Variants in EDA observed in about 807,000 individuals in gnomAD.
The protein encoded by EDA is ectodysplasin-A.
In EDA, 2 loss-of-function variants were observed where a neutral mutation model predicts 23.6. That is an observed-to-expected ratio of 0.08 (90% CI 0.03 to 0.27). The LOEUF is 0.27. Among genes scored for constraint, EDA ranks in the 10% least tolerant of loss-of-function variants. EDA has a pLI of 1.00. For synonymous variants in EDA, 131 were observed against 132.0 expected, an observed-to-expected ratio of 0.99 and a Z score of 0.05; for missense variants, 229 against 324.2, an observed-to-expected ratio of 0.71 and a Z score of 2.26.
chrX:69,978,340 A>AG (rs2019347936), intron 2 of EDA, among the ~76,000 whole-genome samples: 1 of 90,906 alleles, frequency 1.1e-5, no homozygotes, highest in Non-Finnish European at 2.1e-5. Context: ...AAAAAAAAAA[A>AG]AAAAAAAAAA....
intron 2 of EDA, among the ~76,000 whole-genome samples, chrX:70,003,455 T>A (rs1167656642): frequency 8.9e-6 from 1 of 112,020 alleles, no homozygotes; most frequent in Non-Finnish European, 1.9e-5. Flanking sequence ...TCTAATTCAA[T>A]CCTCCTGACA....
At chrX:69,782,623 C>T (rs2014989554) in intron 1 of EDA, among the ~76,000 whole-genome samples, 1 of 111,265 alleles carries the variant, frequency 9.0e-6, no homozygotes, top group Non-Finnish European at 1.9e-5. Context: ...ATCGAAGTGT[C>T]TCAGTGATAG....
chrX:69,971,794 C>G (rs2019252280), intron 2 of EDA, among the ~76,000 whole-genome samples: 1 of 110,488 alleles, frequency 9.1e-6, no homozygotes, highest in Admixed American at 9.7e-5. Context: ...CTCGGTGTGG[C>G]AACTAGCATA....
At position 69,894,040 on chromosome X, in the gene EDA, A is replaced by G. The variant is rs945828070; in HGVS notation, c.397-62987A>G. 2.3e-3 allele frequency among the ~76,000 whole-genome samples: 257 copies of G among 112,022 alleles called. 1 individual carries two copies. Among genetic ancestry groups the G allele is most frequent in the African/African-American group, 8.1e-3 (249 of 30,868 alleles). On this transcript the variant is annotated intron_variant, in intron 1 of 7. Coordinates refer to ENST00000374552, the MANE Select transcript of EDA (RefSeq NM_001399.5). Reference sequence around the variant, plus strand: ...TTTTAGGAATAGTAGTTTCCAGAAGAGAAAATCTATTTCACCACCGCCTCT... The same window carrying G: ...TTTTAGGAATAGTAGTTTCCAGAAGGGAAAATCTATTTCACCACCGCCTCT...
chrX:69,800,898 A>G (rs2015669158), intron 1 of EDA, among the ~76,000 whole-genome samples: 1 of 111,633 alleles, frequency 9.0e-6, no homozygotes, highest in Non-Finnish European at 1.9e-5. Flanking sequence ...TACCAACACA[A>G]GAACCATGTT....
At chrX:69,783,524 G>A (rs1206478602) in intron 1 of EDA, among the ~76,000 whole-genome samples, 1 of 104,486 alleles carries the variant, frequency 9.6e-6, no homozygotes, top group Non-Finnish European at 1.9e-5. Context: ...ACCTATGAGT[G>A]AGAATATGCA....
chrX:69,885,073 G>A (rs771482848), intron 1 of EDA, among the ~76,000 whole-genome samples: 5 of 112,075 alleles, frequency 4.5e-5, no homozygotes, highest in Non-Finnish European at 5.6e-5. Context: ...AGTGATTAAT[G>A]ATGTTAAGCA....
intron 1 of EDA, among the ~76,000 whole-genome samples, chrX:69,772,248 C>T (rs984952412): frequency 3.6e-5 from 4 of 112,046 alleles, no homozygotes; most frequent in Non-Finnish European, 7.5e-5. Context: ...ACGTGAGCTA[C>T]TGTACCCAGC....
chrX:69,880,870 A>C (rs1276091548), intron 1 of EDA, among the ~76,000 whole-genome samples: 1 of 111,903 alleles, frequency 8.9e-6, no homozygotes, highest in Non-Finnish European at 1.9e-5. Context: ...ATGCAATGTC[A>C]TGCCCCTTCT....
intron 1 of EDA, among the ~76,000 whole-genome samples, chrX:69,905,223 T>C (rs1459237971): frequency 8.9e-6 from 1 of 112,196 alleles, no homozygotes; most frequent in Non-Finnish European, 1.9e-5. Context: ...AGCCAACTGA[T>C]TGATGGGAGG....
chrX:70,002,674 A>G (rs1335870666), intron 2 of EDA, among the ~76,000 whole-genome samples: 1 of 112,485 alleles, frequency 8.9e-6, no homozygotes, highest in Admixed American at 9.4e-5. Flanking sequence ...GCCACTTACT[A>G]GCTGTGTGAC....
At chrX:69,633,039 A>G (rs1437086394) in intron 1 of EDA, among the ~76,000 whole-genome samples, 1 of 111,723 alleles carries the variant, frequency 9.0e-6, no homozygotes. Context: ...AAAGAGTGGA[A>G]TAAACTTGCT....
At chrX:69,789,750 C>A (rs770700125) in intron 1 of EDA, among the ~76,000 whole-genome samples, 1 of 111,921 alleles carries the variant, frequency 8.9e-6, no homozygotes, top group East Asian at 2.8e-4. Flanking sequence ...TCTCTTTTAA[C>A]ACTACTTTTT....
chrX:69,975,331 G>A (rs1002772278), intron 2 of EDA, among the ~76,000 whole-genome samples: 8 of 111,429 alleles, frequency 7.2e-5, no homozygotes, highest in African/African-American at 2.3e-4. Context: ...GGATACAGCT[G>A]GAGGCCATTA....
At chrX:69,679,390 A>C (rs968500313) in intron 1 of EDA, among the ~76,000 whole-genome samples, 2 of 110,797 alleles carry the variant, frequency 1.8e-5, no homozygotes, top group African/African-American at 6.6e-5. Context: ...TAGTTTCAGA[A>C]GGAATGGTAC....
chrX:69,980,406 T>C (rs1462491358), intron 2 of EDA, among the ~76,000 whole-genome samples: 1 of 112,249 alleles, frequency 8.9e-6, no homozygotes, highest in Non-Finnish European at 1.9e-5. Context: ...CACTTAGCTA[T>C]GATGTTGGCT....
chrX:69,828,845 C>T (rs2016534880), intron 1 of EDA, among the ~76,000 whole-genome samples: 1 of 112,536 alleles, frequency 8.9e-6, no homozygotes, highest in Non-Finnish European at 1.9e-5. Context: ...GATTGTTACA[C>T]CATTTTGTCA....
chrX:69,750,801 G>T (rs1376676083), intron 1 of EDA, among the ~76,000 whole-genome samples: 7 of 111,987 alleles, frequency 6.3e-5, no homozygotes, highest in East Asian at 2.8e-4. Context: ...TCATGTGTCT[G>T]TGGGCTGCAT....
intron 1 of EDA, among the ~76,000 whole-genome samples, chrX:69,832,337 A>G (rs933981943): frequency 3.6e-5 from 4 of 111,584 alleles, no homozygotes; most frequent in African/African-American, 1.3e-4. Context: ...GTCAAAGATC[A>G]GATGGTTGTA....
Sources: gnomAD v4.1 joint callset for allele counts (sites outside exome capture counted in the v4.1 genomes callset) on GRCh38, gnomAD v4.1.1 for gene constraint, MANE v1.5 for transcripts, NCBI Gene and HGNC (gene_info 2026-07-23, HGNC 2026-07-21) for gene names.